Variants in CFP observed in about 807,000 individuals in gnomAD.
CFP encodes the protein complement factor properdin, also known as properdin.
Under a neutral mutation model 42.1 loss-of-function variants are expected in CFP, and 14 were observed. The ratio of observed to expected loss-of-function variants is 0.33; its 90% CI spans 0.22 to 0.52. CFP has a LOEUF of 0.52. CFP is among the 20% of genes least tolerant of loss of function. The probability of loss-of-function intolerance (pLI) is 0.96; values close to 1 mark genes in which losing one functional copy is unlikely to be tolerated. For synonymous variants in CFP, 149 were observed against 160.6 expected (o/e 0.93, Z 0.54); for missense variants, 318 against 400.4 (o/e 0.79, Z 1.76).
intron 3 of CFP, 131 bp downstream of exon 3, chrX:47,627,971 C>G: frequency 3.7e-6 from 3 of 820,388 alleles, no homozygotes; most frequent in Non-Finnish European, 5.3e-6. Context: ...TCTGACCTCA[C>G]CTCCCACCAC....
In CFP at chrX:47,626,101, G is replaced by A. The variant is rs760303151; in HGVS notation, c.1201C>T (p.Arg401Cys). ...CMPPCGPNPT[R>C]ARQRLCTPLL... ...GGTGTGCAGAGGCGCTGGCGGGCAC[G>A]GGTAGGATTAGGTCCACAGGGGGGC... Residue 401 changes from arginine (R) to cysteine (C), a missense_variant, in exon 8 of 9, where the codon CGT becomes TGT. Arg to Cys is a radical substitution (Grantham distance 180). Transcript: ENST00000396992. The A allele has an allele frequency of 9.3e-6, 11 of 1,180,007 alleles. No homozygotes were observed. Among genetic ancestry groups the A allele is most frequent in the South Asian group, 1.9e-5 (1 of 53,501 alleles).
intron 8 of CFP, 83 bp from the exon 9 acceptor site, chrX:47,624,523 T>A: frequency 1.2e-6 from 1 of 821,624 alleles, no homozygotes; most frequent in Non-Finnish European, 1.7e-6. Flanking sequence ...GAGTGCCTGC[T>A]ATATGCCGAG....
In CFP at chrX:47,624,277, A is replaced by T; in HGVS notation, c.1408T>A (p.Ter470LysextTer7). ...GCTCAGAGTGGAGGAGAGAAGTGTTAGAGTTCCTCTTCCTCAGGGTCTTTG... is the reference window on the plus strand; with the variant it reads ...GCTCAGAGTGGAGGAGAGAAGTGTTTGAGTTCCTCTTCCTCAGGGTCTTTG... ...ACKDPEEEEL* is the reference protein window; with the variant it reads ...ACKDPEEEELK Residue 470 changes from the stop codon to lysine (K), a stop_lost, in exon 9 of 9, where the codon TAA (stop) becomes AAA (lysine). Transcript: ENST00000396992. The T allele has an allele frequency of 1.7e-6, 2 of 1,210,833 alleles. No individual in the cohort carries two copies. The highest frequency in any genetic ancestry group is 2.2e-6 in the Non-Finnish European group (2 of 894,896).
intron 2 of CFP, 38 bp downstream of exon 2, chrX:47,629,486 T>TGCCCCCC: frequency 1.5e-6 from 1 of 669,641 alleles, no homozygotes; most frequent in Non-Finnish European, 2.3e-6. Context: ...AGACAGTCCT[T>TGCCCCCC]CCCTCCCCCC....
rs759507756 is a variant in CFP, at chrX:47,629,610, C to A, written c.141G>T (p.Leu47=). Residue 47 remains leucine, a synonymous_variant, in exon 2 of 9, where the codon CTG becomes CTT. Transcript: ENST00000396992. ...AGTCTTCCACGCTGACACCACCCCC[C>A]AGGAGGCCCTTGCACTTGCCGGAGG... The part of the protein sequence containing the change: ...EESSGKCKGL[L]GGGVSVEDCC... The A allele has an allele frequency of 1.7e-6, 2 of 1,173,217 alleles. No individual in the cohort carries two copies. The highest frequency in any genetic ancestry group is 2.6e-5 in the Admixed American group (1 of 39,126).
At position 47,629,827 on chromosome X, in the gene CFP, C is replaced by T. The variant is rs1020912849; in HGVS notation, c.18G>A (p.Ala6=). MITEG[A]QAPRLLLPPL... is the part of the protein sequence containing the mutation. ...GCGGCAGCAACAATCGAGGGGCCTG[C>T]GCTCCCTCTGTGATCATGTTGAGTA... The change falls in exon 1 of 9, where the codon GCG becomes GCA. Residue 6 remains alanine, a synonymous_variant. Transcript: ENST00000396992. 8.6e-6 allele frequency: 10 copies of T among 1,165,137 alleles called. No individual in the cohort carries two copies. Among genetic ancestry groups the T allele is most frequent in the Non-Finnish European group, 1.1e-5 (10 of 872,504 alleles).
rs372336803 is a variant in CFP at position 47,627,249 on chromosome X, G to A, written c.658C>T (p.Arg220Ter). ...HGGPHEPKET[R>*]SRKCSAPEPS... The stretch of plus-strand genomic sequence containing the variant: ...TCAGGTGCAGAACACTTGCGGCTTC[G>A]TGTCTCCTTAGGTTCGTGGGGTCCA... Residue 220 changes from arginine (R) to a stop codon, truncating the protein, a stop_gained, in exon 5 of 9, where the codon CGA becomes TGA. Coordinates refer to ENST00000396992, the MANE Select transcript of CFP (RefSeq NM_001145252.3). LOFTEE classifies it high-confidence loss of function. The A allele has an allele frequency of 3.3e-6, 4 of 1,209,834 alleles. No homozygotes were observed. The highest frequency in any genetic ancestry group is 3.5e-5 in the African/African-American group (2 of 57,458).
At chrX:47,629,498 A>ACCCCCCCCCCCCCC in intron 2 of CFP, 26 bp downstream of exon 2, 1 of 270,856 alleles carries the variant, frequency 3.7e-6, no homozygotes, top group East Asian at 7.0e-5. Flanking sequence ...CCTCCCCCCC[A>ACCCCCCCCCCCCCC]TCCCCCACCC....
In CFP at chrX:47,625,870, C is replaced by G. The variant is rs925676321; in HGVS notation, c.1244+188G>C. The G allele has an allele frequency of 1.1e-4, 53 of 480,322 alleles. No homozygotes were observed. The Admixed American group carries it at 1.5e-3, about 14-fold the overall frequency. 39.6% of individuals were successfully genotyped at this position (480,322 alleles called of 1,213,427 possible). On this transcript the variant is annotated intron_variant, in intron 8 of 8. Coordinates refer to ENST00000396992, the MANE Select transcript of CFP (RefSeq NM_001145252.3). ...AGGTGACTGAGGGGCACAGAGGCTACGAATTATCCTCCAAGAACTTCTTTC... is the reference window on the plus strand; with the variant it reads ...AGGTGACTGAGGGGCACAGAGGCTAGGAATTATCCTCCAAGAACTTCTTTC...
chrX:47,629,495 C>T (rs531999103), intron 2 of CFP, 29 bp downstream of exon 2: 10 of 748,435 alleles, frequency 1.3e-5, no homozygotes, highest in Non-Finnish European at 1.8e-5. Flanking sequence ...TTCCCTCCCC[C>T]CCATCCCCCA....
At position 47,628,147 on chromosome X, in the gene CFP, G is replaced by A; in HGVS notation, c.358C>T (p.Leu120=). ...TCACAGGCCTGGAGCTGCCACTCCA[G>A]GGTCCCAGGTGCCACCTTTCCAGAG... ...QCSGKVAPGT[L]EWQLQACEDQ... is the part of the protein sequence containing the mutation. Residue 120 remains leucine (L), a synonymous_variant, in exon 3 of 9, where the codon CTG becomes TTG. Transcript: ENST00000396992. 4 of 1,211,879 alleles carry A rather than the reference G, an allele frequency of 3.3e-6. No individual in the cohort carries two copies. The highest frequency in any genetic ancestry group is 4.5e-6 in the Non-Finnish European group (4 of 895,523).
rs895585099 is a variant in CFP at position 47,624,530 on chromosome X, C to A, written c.1245-90G>T. 9.5e-6 allele frequency: 6 copies of A among 632,150 alleles called. No homozygotes were observed. In the Admixed American group the frequency reaches 1.4e-4, roughly 14 times the overall value. 52.1% of individuals were successfully genotyped at this position (632,150 alleles called of 1,213,427 possible). On this transcript the variant is annotated intron_variant, in intron 8 of 8. Coordinates refer to ENST00000396992, the MANE Select transcript of CFP (RefSeq NM_001145252.3). ...TTCTTATTGAGTGCCTGCTATATGCCGAGGGCTACTTTTTTTTTTTTTTTT... is the reference window on the plus strand; with the variant it reads ...TTCTTATTGAGTGCCTGCTATATGCAGAGGGCTACTTTTTTTTTTTTTTTT...
intron 4 of CFP, 65 bp downstream of exon 4, chrX:47,627,406 C>G: frequency 7.5e-6 from 9 of 1,200,293 alleles, no homozygotes; most frequent in Non-Finnish European, 1.0e-5. Context: ...TGGCAGTTCC[C>G]TGCTGTAACC....
chrX:47,624,116 G>T lies in CFP; in HGVS notation c.*159C>A. 3.6e-6 allele frequency: 2 copies of T among 549,038 alleles called. No individual in the cohort carries two copies. Among genetic ancestry groups the T allele is most frequent in the Non-Finnish European group, 6.3e-6 (2 of 316,951 alleles). 45.2% of individuals were successfully genotyped at this position (549,038 alleles called of 1,213,427 possible). A position where few individuals can be genotyped will look rare whatever the true frequency, so the allele number is the denominator to read the frequency against. On this transcript the variant is annotated 3_prime_UTR_variant, in exon 9 of 9. Coordinates refer to ENST00000396992, the MANE Select transcript of CFP (RefSeq NM_001145252.3). ...TTTCCGCAACAGGCTGCTGTGTCTT[G>T]GCCCGTGCTGTGCTGTTTGCCCTAT... is the stretch of plus-strand genomic sequence containing the variant.
At chrX:47,628,603 C>T (rs773657845) in intron 2 of CFP, 13 of 419,978 alleles carry the variant, frequency 3.1e-5, no homozygotes, top group African/African-American at 4.9e-5. Flanking sequence ...CCACACTACA[C>T]GGTAGTAGGT....
Position 47,629,505 on chromosome X carries a change from A to G in CFP, c.227+19T>C. 2 of 281,209 alleles carry G rather than the reference A, an allele frequency of 7.1e-6. No individual in the cohort carries two copies. The highest frequency in any genetic ancestry group is 1.2e-5 in the Non-Finnish European group (2 of 168,503). 23.2% of individuals were successfully genotyped at this position (281,209 alleles called of 1,213,427 possible). ...AGTCCTTCCCTCCCCCCCATCCCCCACCCCAGGCTCCCCCTAACCTGCAAG... is the reference window on the plus strand; with the variant it reads ...AGTCCTTCCCTCCCCCCCATCCCCCGCCCCAGGCTCCCCCTAACCTGCAAG... On this transcript the variant is annotated intron_variant, in intron 2 of 8. Coordinates refer to ENST00000396992, the MANE Select transcript of CFP (RefSeq NM_001145252.3).
rs369411474 is a variant in CFP, at chrX:47,627,563, C to T, written c.482G>A (p.Arg161Gln). 6 of 1,205,077 alleles carry T rather than the reference C, an allele frequency of 5.0e-6. No individual in the cohort carries two copies. Among genetic ancestry groups the T allele is most frequent in the South Asian group, 3.6e-5 (2 of 55,883 alleles). The part of the protein sequence containing the change: ...TCSKGTRTRR[R>Q]ACNHPAPKCG... ...CTTGGGAGCAGGGTGATTACAGGCT[C>T]GCCTGCGGGTCCGGGTCCCTTTGGA... The change falls in exon 4 of 9, where the codon CGA becomes CAA. Residue 161 changes from arginine (R) to glutamine (Q), a missense_variant. Physicochemically the swap from Arg to Gln is conservative, Grantham distance 43 (BLOSUM62 1). Coordinates refer to ENST00000396992, the MANE Select transcript of CFP (RefSeq NM_001145252.3).
At position 47,629,505 on chromosome X, in the gene CFP, A is replaced by ACC; in HGVS notation, c.227+17_227+18dup. On this transcript the variant is annotated intron_variant, in intron 2 of 8. Transcript: ENST00000396992. ...AGTCCTTCCCTCCCCCCCATCCCCCACCCCAGGCTCCCCCTAACCTGCAAG... is the reference window on the plus strand; with the variant it reads ...AGTCCTTCCCTCCCCCCCATCCCCCACCCCCCAGGCTCCCCCTAACCTGCAAG... The ACC allele has an allele frequency of 3.6e-6, 1 of 281,212 alleles. No individual in the cohort carries two copies. The highest frequency in any genetic ancestry group is 5.9e-6 in the Non-Finnish European group (1 of 168,506). The allele number at this position is 281,212 out of a possible 1,213,427, so 23.2% of individuals were successfully genotyped here. A position where few individuals can be genotyped will look rare whatever the true frequency, so the allele number is the denominator to read the frequency against.
chrX:47,629,996 C>A, upstream of CFP: 1 of 530,136 alleles, frequency 1.9e-6, no homozygotes, highest in South Asian at 2.8e-5. Context: ...CCTCTGCCTC[C>A]TTCTCTACTC....
Sources: gnomAD v4.1 joint callset for allele counts on GRCh38, gnomAD v4.1.1 for gene constraint, MANE v1.5 for transcripts, NCBI Gene and HGNC (gene_info 2026-07-23, HGNC 2026-07-21) for gene names.